Variants in UGT1A8 observed in about 807,000 individuals in gnomAD.
UGT1A8 encodes UDP glucuronosyltransferase family 1 member A8, also known as UDP-glucuronosyltransferase 1A8.
In UGT1A8, 39 loss-of-function variants were observed where a neutral mutation model predicts 45.3. That is an observed-to-expected ratio of 0.86 (90% confidence interval 0.67 to 1.12). The LOEUF is 1.12. Ranked by LOEUF, UGT1A8 falls within the 50% of genes most tolerant of loss-of-function variation. The probability of loss-of-function intolerance (pLI) is 0.00; values close to 1 mark genes in which losing one functional copy is unlikely to be tolerated. For synonymous variants in UGT1A8, 275 were observed against 249.2 expected (o/e 1.10, Z -0.97); for missense variants, 719 against 664.9 (o/e 1.08, Z -0.90).
chr2:233,738,641 GCT>G (rs1690860482), intron 1 of UGT1A8, among the ~76,000 whole-genome samples: 1 of 152,206 alleles, frequency 6.6e-6, no homozygotes, highest in Non-Finnish European at 1.5e-5. Flanking sequence ...CTGCCCTAGA[GCT>G]CTTTGGAACT....
intron 1 of UGT1A8, among the ~76,000 whole-genome samples, chr2:233,714,888 A>ATCTTTTTTTTTTT (rs148944858): frequency 1.3e-5 from 2 of 151,902 alleles, no homozygotes; most frequent in Admixed American, 6.6e-5. Flanking sequence ...AAATTTTTCT[A>ATCTTTTTTTTTTT]TCTTTTGAGA....
chr2:233,629,456 A>C (rs2073148995), intron 1 of UGT1A8, among the ~76,000 whole-genome samples: 1 of 152,128 alleles, frequency 6.6e-6, no homozygotes, highest in African/African-American at 2.4e-5. Flanking sequence ...CATTCCTAGG[A>C]TAAACCCCAC....
At chr2:233,671,016 A>T (rs1225922259) in intron 1 of UGT1A8, among the ~76,000 whole-genome samples, 3 of 152,190 alleles carry the variant, frequency 2.0e-5, no homozygotes, top group Non-Finnish European at 1.5e-5. Flanking sequence ...AAACCCAAAC[A>T]TACAAACATA....
chr2:233,619,165 TTAAAA>T (rs1193714353), intron 1 of UGT1A8, among the ~76,000 whole-genome samples: 3 of 152,192 alleles, frequency 2.0e-5, no homozygotes, highest in African/African-American at 7.2e-5. Context: ...ACCTATTTTG[TTAAAA>T]TAAACTTTTA....
intron 1 of UGT1A8, among the ~76,000 whole-genome samples, chr2:233,705,632 T>C (rs2075861807): frequency 6.6e-6 from 1 of 152,224 alleles, no homozygotes; most frequent in East Asian, 1.9e-4. Flanking sequence ...TTGACAGTTC[T>C]AGGAAGTTGA....
intron 1 of UGT1A8, among the ~76,000 whole-genome samples, chr2:233,715,727 A>T (rs2076466166): frequency 6.6e-6 from 1 of 152,216 alleles, no homozygotes; most frequent in Non-Finnish European, 1.5e-5. Flanking sequence ...TGCCATGTTC[A>T]CGCCACCTCA....
chr2:233,756,002 A>C (rs541180678), intron 1 of UGT1A8: 11 of 152,292 alleles, frequency 7.2e-5, no homozygotes, highest in South Asian at 6.2e-4. Context: ...TCTGCATTCT[A>C]TCTATTGTGA....
chr2:233,760,274 G>C (rs1697379637), intron 1 of UGT1A8: 1 of 1,612,450 alleles, frequency 6.2e-7, no homozygotes, highest in African/African-American at 1.3e-5. Context: ...ACCTCTGGCA[G>C]GAGCAAAGGC....
At chr2:233,772,206 G>A (rs1305891412) in intron 4 of UGT1A8, 56 bp from the exon 5 acceptor site, 2 of 1,609,236 alleles carry the variant, frequency 1.2e-6, no homozygotes, top group Non-Finnish European at 1.7e-6. Context: ...AGCATAAAGA[G>A]AGGATTGTTC....
At chr2:233,624,555 T>C (rs1340050753) in intron 1 of UGT1A8, among the ~76,000 whole-genome samples, 1 of 152,200 alleles carries the variant, frequency 6.6e-6, no homozygotes, top group Non-Finnish European at 1.5e-5. Flanking sequence ...TTCTAGACTT[T>C]GTATTCTGCT....
intron 1 of UGT1A8, among the ~76,000 whole-genome samples, chr2:233,665,806 T>C (rs1468421065): frequency 6.6e-6 from 1 of 151,970 alleles, no homozygotes. Flanking sequence ...TACCCAACAG[T>C]GGAGTAGTTG....
chr2:233,763,586 T>C (rs1253183119), intron 1 of UGT1A8, among the ~76,000 whole-genome samples: 1 of 152,240 alleles, frequency 6.6e-6, no homozygotes, highest in Non-Finnish European at 1.5e-5. Flanking sequence ...TTTCTTCCTT[T>C]GTTAACTAAA....
chr2:233,739,043 G>A (rs1411881573), intron 1 of UGT1A8: 2 of 152,288 alleles, frequency 1.3e-5, no homozygotes, highest in African/African-American at 4.8e-5. Flanking sequence ...CCAAGGTAGA[G>A]CTCAGGCCAT....
At chr2:233,722,255 G>A (rs549830880) in intron 1 of UGT1A8, among the ~76,000 whole-genome samples, 90 of 152,216 alleles carry the variant, frequency 5.9e-4, no homozygotes, top group African/African-American at 2.1e-3. Flanking sequence ...TGACAGACAC[G>A]CCATTATCAT....
At chr2:233,724,298 C>T (rs1308100434) in intron 1 of UGT1A8, among the ~76,000 whole-genome samples, 3 of 143,234 alleles carry the variant, frequency 2.1e-5, no homozygotes, top group African/African-American at 7.8e-5. Flanking sequence ...CTGACCCCCC[C>T]ACCTCCCTCC....
At chr2:233,746,305 A>G (rs1693353993) in intron 1 of UGT1A8, among the ~76,000 whole-genome samples, 1 of 151,774 alleles carries the variant, frequency 6.6e-6, no homozygotes, top group Non-Finnish European at 1.5e-5. Context: ...TTTCCCTTGG[A>G]GGGCCCTGTA....
At chr2:233,703,292 T>G (rs1176521363) in intron 1 of UGT1A8, among the ~76,000 whole-genome samples, 1 of 151,522 alleles carries the variant, frequency 6.6e-6, no homozygotes, top group African/African-American at 2.4e-5. Context: ...GGTAGTAACA[T>G]TCCCTCTTTC....
At chr2:233,755,246 C>T (rs1229068281) in intron 1 of UGT1A8, 3 of 850,962 alleles carry the variant, frequency 3.5e-6, no homozygotes, top group Non-Finnish European at 5.3e-6. Flanking sequence ...GGGGTACTCC[C>T]AGCACCTCGT....
chr2:233,672,348 G>A (rs2074222814), intron 1 of UGT1A8: 1 of 1,614,126 alleles, frequency 6.2e-7, no homozygotes, highest in African/African-American at 1.3e-5. Flanking sequence ...AATACTTAAA[G>A]GAGAGTTCTT....
Sources: allele counts gnomAD v4.1 joint callset (sites outside exome capture counted in the v4.1 genomes callset), GRCh38; gene constraint gnomAD v4.1.1; transcripts MANE v1.5; gene names NCBI Gene and HGNC (gene_info 2026-07-23, HGNC 2026-07-21).